Variants in GPRIN2 observed in about 807,000 individuals in gnomAD.
GPRIN2 encodes G protein-regulated inducer of neurite outgrowth 2.
A neutral mutation model predicts 0.3 loss-of-function variants in GPRIN2; 1 was observed. That is an observed-to-expected ratio of 3.90 (90% CI 1.39 to 18.51). The LOEUF is 18.51. GPRIN2 is among the 30% of genes most tolerant of loss of function. The pLI is 0.11. For synonymous variants in GPRIN2, 361 were observed against 258.6 expected, an observed-to-expected ratio of 1.40 and a Z score of -3.80; for missense variants, 880 against 604.2, an observed-to-expected ratio of 1.46 and a Z score of -4.79.
Position 46,549,984 on chromosome 10 carries a change from AG to A in GPRIN2, c.752del (p.Pro251LeufsTer11), listed in dbSNP as rs1842470298. 3 of 1,614,102 alleles carry A rather than the reference AG, an allele frequency of 1.9e-6. No individual in the cohort carries two copies. The highest frequency in any genetic ancestry group is 2.5e-6 in the Non-Finnish European group (3 of 1,179,972). Reference protein sequence around the residue: ...VRAGGCCHALPATGILAFPKL... With the variant: ...VRAGGCCHALXATGILAFPKL... ...TGGGAAAGGCCAGGATCCCTGTGGC[AG>A]GTAGGGCATGGCAGCAGCCACCAGC... On this transcript the variant is annotated frameshift_variant, in exon 3 of 3. Transcript: ENST00000374314. LOFTEE classifies it low-confidence loss of function (END_TRUNC).
chr10:46,542,880 C>A lies in GPRIN2; in HGVS notation c.*6480G>T, dbSNP rs1467969333. Among the ~76,000 whole-genome samples the A allele has an allele frequency of 6.6e-6, 1 of 152,308 alleles. No individual in the cohort carries two copies. Among genetic ancestry groups the A allele is most frequent in the Non-Finnish European group, 1.5e-5 (1 of 68,054 alleles). ...TCTGAAAACATGGATGAGGAGATGG[C>A]CTGCCTAAAGCCAGCAGATGGGTGC... On this transcript the variant is annotated 3_prime_UTR_variant, in exon 3 of 3. Transcript: ENST00000374314.
upstream of GPRIN2, among the ~76,000 whole-genome samples, chr10:46,557,488 C>T (rs1221457222): frequency 6.6e-6 from 1 of 152,312 alleles, no homozygotes; most frequent in African/African-American, 2.4e-5. Context: ...TTGAGGCCTT[C>T]AGTCTCCCAG....
chr10:46,556,729 G>C (rs1843284738), upstream of GPRIN2, among the ~76,000 whole-genome samples: 1 of 152,274 alleles, frequency 6.6e-6, no homozygotes, highest in African/African-American at 2.4e-5. Flanking sequence ...TCGCTCACCT[G>C]GGCCCGTGCC....
chr10:46,554,085 C>T (rs1356135130), intron 2 of GPRIN2, among the ~76,000 whole-genome samples: 3 of 152,308 alleles, frequency 2.0e-5, no homozygotes, highest in Non-Finnish European at 4.4e-5. Flanking sequence ...AGAAATAAAT[C>T]CCCACCCTGC....
In GPRIN2 at chr10:46,549,289, C is replaced by T. The variant is rs1443144371; in HGVS notation, c.*71G>A. The T allele has an allele frequency of 4.9e-6, 7 of 1,437,856 alleles. No individual in the cohort carries two copies. Among genetic ancestry groups the T allele is most frequent in the Admixed American group, 6.0e-5 (2 of 33,288 alleles). 89.1% of individuals were successfully genotyped at this position (1,437,856 alleles called of 1,614,324 possible). On this transcript the variant is annotated 3_prime_UTR_variant, in exon 3 of 3. Coordinates refer to ENST00000374314, the MANE Select transcript of GPRIN2 (RefSeq NM_001385282.1). Reference sequence around the variant, plus strand: ...GCCGGTGGGTCCAGGGGGCACGGAGCCCCCACCGTCCCTGGCCCAGGTCTA... The same window carrying T: ...GCCGGTGGGTCCAGGGGGCACGGAGTCCCCACCGTCCCTGGCCCAGGTCTA...
Position 46,549,410 on chromosome 10 carries a change from A to T in GPRIN2, c.1327T>A (p.Ser443Thr). The T allele has an allele frequency of 6.5e-7, 1 of 1,544,844 alleles. No homozygotes were observed. Among genetic ancestry groups the T allele is most frequent in the Admixed American group, 2.1e-5 (1 of 48,682 alleles). ...CCGCAGCAGCTGGGGCGCCGCAGGG[A>T]CTGCATGACAGCCCGCAGTGGCCCC... The part of the protein sequence containing the change: ...RRGPLRAVMQ[S>T]LRRPSCCGCS... Residue 443 changes from serine (S) to threonine (T), a missense_variant, in exon 3 of 3, where the codon TCC (serine) becomes ACC (threonine). Physicochemically the swap from Ser to Thr is moderately conservative, Grantham distance 58. Coordinates refer to ENST00000374314, the MANE Select transcript of GPRIN2 (RefSeq NM_001385282.1).
At position 46,547,192 on chromosome 10, in the gene GPRIN2, A is replaced by G. The variant is rs966205543; in HGVS notation, c.*2168T>C. Among the ~76,000 whole-genome samples the G allele has an allele frequency of 1.3e-5, 2 of 152,258 alleles. No individual in the cohort carries two copies. Among genetic ancestry groups the G allele is most frequent in the Non-Finnish European group, 2.9e-5 (2 of 68,032 alleles). Reference sequence around the variant, plus strand: ...CCTGAAATGCCTCCTCCCCAAATCCATTGCACACATGTGTGCCTGTGTATG... The same window carrying G: ...CCTGAAATGCCTCCTCCCCAAATCCGTTGCACACATGTGTGCCTGTGTATG... On this transcript the variant is annotated 3_prime_UTR_variant, in exon 3 of 3. Coordinates refer to ENST00000374314, the MANE Select transcript of GPRIN2 (RefSeq NM_001385282.1).
rs1842494965 is a variant in GPRIN2 at position 46,550,457 on chromosome 10, T to C, written c.280A>G (p.Thr94Ala). Reference sequence around the variant, plus strand: ...CCCATGGTGGACACATTGCCCACAGTGCTGCTCCACCAGTGGCCTCCAGCA... The same window carrying C: ...CCCATGGTGGACACATTGCCCACAGCGCTGCTCCACCAGTGGCCTCCAGCA... ...PSAGGHWWSSTVGNVSTMGGS... is the reference protein window; with the variant it reads ...PSAGGHWWSSAVGNVSTMGGS... Residue 94 changes from threonine to alanine, a missense_variant, in exon 3 of 3, where the codon ACT becomes GCT. Transcript: ENST00000374314. 6.2e-7 allele frequency: 1 copy of C among 1,611,670 alleles called. No individual in the cohort carries two copies. Among genetic ancestry groups the C allele is most frequent in the Admixed American group, 1.7e-5 (1 of 59,958 alleles).
intron 1 of GPRIN2, among the ~76,000 whole-genome samples, chr10:46,554,925 A>G (rs1843004222): frequency 6.6e-6 from 1 of 152,308 alleles, no homozygotes; most frequent in African/African-American, 2.4e-5. Context: ...TGTGGCATCC[A>G]TCTAAGTCCC....
Position 46,552,618 on chromosome 10 carries a change from T to C in GPRIN2, c.-6-1876A>G, listed in dbSNP as rs1832112932. Among the ~76,000 whole-genome samples, 13 of 152,412 alleles carry C rather than the reference T, an allele frequency of 8.5e-5. No individual in the cohort carries two copies. In the South Asian group the frequency reaches 2.7e-3, roughly 32 times the overall value. On this transcript the variant is annotated intron_variant, in intron 2 of 2. Coordinates refer to ENST00000374314, the MANE Select transcript of GPRIN2 (RefSeq NM_001385282.1). ...CCTGAGACTCCAGCTCTGCACAACTTCCTGCGATGATGGAAAGATTCTACC... is the reference window on the plus strand; with the variant it reads ...CCTGAGACTCCAGCTCTGCACAACTCCCTGCGATGATGGAAAGATTCTACC...
In GPRIN2 at chr10:46,543,346, G is replaced by A. The variant is rs1833035586; in HGVS notation, c.*6014C>T. Among the ~76,000 whole-genome samples, 66 of 152,408 alleles carry A rather than the reference G, an allele frequency of 4.3e-4. No individual in the cohort carries two copies. In the East Asian group the frequency reaches 0.012, roughly 27 times the overall value. The stretch of plus-strand genomic sequence containing the variant: ...CAGGAACAAGTACAATGGACAGTGG[G>A]GAGGCAGACAGGTTCTGAATAACCC... On this transcript the variant is annotated 3_prime_UTR_variant, in exon 3 of 3. Transcript: ENST00000374314.
chr10:46,555,749 G>A (rs1331999499), intron 1 of GPRIN2, among the ~76,000 whole-genome samples: 1 of 152,310 alleles, frequency 6.6e-6, no homozygotes, highest in Non-Finnish European at 1.5e-5. Flanking sequence ...ATCCCTGGGG[G>A]GCACCTAGGT....
Position 46,550,753 on chromosome 10 carries a change from G to A in GPRIN2, c.-6-11C>T. The A allele has an allele frequency of 6.7e-7, 1 of 1,497,976 alleles. No homozygotes were observed. Among genetic ancestry groups the A allele is most frequent in the South Asian group, 1.4e-5 (1 of 70,470 alleles). 92.8% of individuals were successfully genotyped at this position (1,497,976 alleles called of 1,614,324 possible). A position where few individuals can be genotyped will look rare whatever the true frequency, so the allele number is the denominator to read the frequency against. On this transcript the variant is annotated splice_polypyrimidine_tract_variant and intron_variant, in intron 2 of 2. Transcript: ENST00000374314. Reference sequence around the variant, plus strand: ...GGAGCTCATGGCTGCCTGCAGAAGAGAGAAAGGGAGGGAGTGGAGTTGAGT... The same window carrying A: ...GGAGCTCATGGCTGCCTGCAGAAGAAAGAAAGGGAGGGAGTGGAGTTGAGT...
At chr10:46,553,363 G>A (rs1285899901) in intron 2 of GPRIN2, among the ~76,000 whole-genome samples, 1 of 152,310 alleles carries the variant, frequency 6.6e-6, no homozygotes, top group African/African-American at 2.4e-5. Flanking sequence ...GGCAGGAGGT[G>A]TTCCTCCTGA....
upstream of GPRIN2, among the ~76,000 whole-genome samples, chr10:46,557,586 G>A (rs1831734389): frequency 3.3e-5 from 5 of 152,298 alleles, no homozygotes; most frequent in Non-Finnish European, 7.3e-5. Flanking sequence ...GCAATTCCCC[G>A]CAGCACCACA....
chr10:46,550,479 A>G lies in GPRIN2; in HGVS notation c.258T>C (p.Ala86=), dbSNP rs1555020251. 6.2e-7 allele frequency: 1 copy of G among 1,610,536 alleles called. No homozygotes were observed. Among genetic ancestry groups the G allele is most frequent in the African/African-American group, 1.3e-5 (1 of 74,926 alleles). The change falls in exon 3 of 3, where the codon GCT becomes GCC. Residue 86 remains alanine, a synonymous_variant. Transcript: ENST00000374314. ...CAGTGCTGCTCCACCAGTGGCCTCC[A>G]GCACTGGGTCGCGCCTTGGGGCCAG... ...RASGPKARPS[A]GGHWWSSTVG... is the part of the protein sequence containing the mutation.
chr10:46,549,606 G>A lies in GPRIN2; in HGVS notation c.1131C>T (p.Ser377=). Residue 377 remains serine, a synonymous_variant, in exon 3 of 3, where the codon TCC becomes TCT. Transcript: ENST00000374314. ...CATCCCATCGCACATCCCGCACAGG[G>A]GACGGCACCTCCTCCAGGCTGGACC... ...TLGSSLEEVP[S]PVRDVRWDAE... is the part of the protein sequence containing the mutation. 5 of 1,614,234 alleles carry A rather than the reference G, an allele frequency of 3.1e-6. No individual in the cohort carries two copies. Among genetic ancestry groups the A allele is most frequent in the Non-Finnish European group, 4.2e-6 (5 of 1,180,000 alleles).
rs1832808398 is a variant in GPRIN2, at chr10:46,548,316, G to A, written c.*1044C>T. The stretch of plus-strand genomic sequence containing the variant: ...CCTAGGTCAGGTCATGTGGGCAAGC[G>A]AGCCCCCACAGCCTCACAGCCCCTA... On this transcript the variant is annotated 3_prime_UTR_variant, in exon 3 of 3. Coordinates refer to ENST00000374314, the MANE Select transcript of GPRIN2 (RefSeq NM_001385282.1). Among the ~76,000 whole-genome samples, 36 of 151,362 alleles carry A rather than the reference G, an allele frequency of 2.4e-4. No homozygotes were observed. Among genetic ancestry groups the A allele is most frequent in the African/African-American group, 5.6e-4 (23 of 41,112 alleles).
In GPRIN2 at chr10:46,544,936, C is replaced by T. The variant is rs2131616911; in HGVS notation, c.*4424G>A. Among the ~76,000 whole-genome samples, 3 of 152,310 alleles carry T rather than the reference C, an allele frequency of 2.0e-5. No homozygotes were observed. Among genetic ancestry groups the T allele is most frequent in the Non-Finnish European group, 2.9e-5 (2 of 68,058 alleles). ...CCAGTGATATGTCCTGGGCTTCATA[C>T]CAGCCCTGCCCTGCCTGACAAGTTG... On this transcript the variant is annotated 3_prime_UTR_variant, in exon 3 of 3. Coordinates refer to ENST00000374314, the MANE Select transcript of GPRIN2 (RefSeq NM_001385282.1).
Sources: gnomAD v4.1 joint callset for allele counts (sites outside exome capture counted in the v4.1 genomes callset) on GRCh38, gnomAD v4.1.1 for gene constraint, MANE v1.5 for transcripts, NCBI Gene and HGNC (gene_info 2026-07-23, HGNC 2026-07-21) for gene names.